Variants in CSGALNACT1 observed in about 807,000 individuals in gnomAD.
CSGALNACT1 encodes the protein beta4GalNAcT-1.
In CSGALNACT1, 52 loss-of-function variants were observed where a neutral mutation model predicts 51.0. The ratio of observed to expected loss-of-function variants is 1.02; its 90% CI spans 0.82 to 1.29. CSGALNACT1 has a LOEUF of 1.29. Ranked by LOEUF, CSGALNACT1 falls within the 50% of genes most tolerant of loss-of-function variation. CSGALNACT1 has a pLI of 0.00. For missense variants in CSGALNACT1, 935 were observed against 679.2 expected, an observed-to-expected ratio of 1.38 and a Z score of -4.19; for synonymous variants, 341 against 254.4, an observed-to-expected ratio of 1.34 and a Z score of -3.24.
At chr8:19,546,661 C>G (rs1468797608) in intron 3 of CSGALNACT1, among the ~76,000 whole-genome samples, 1 of 152,170 alleles carries the variant, frequency 6.6e-6, no homozygotes, top group Non-Finnish European at 1.5e-5. Context: ...TTCCCCCTAC[C>G]CATTCTTGGG....
intron 4 of CSGALNACT1, among the ~76,000 whole-genome samples, chr8:19,469,803 T>G (rs748034740): frequency 1.3e-5 from 2 of 152,178 alleles, no homozygotes; most frequent in Non-Finnish European, 2.9e-5. Context: ...TCATCGCACA[T>G]TATCTGAATG....
intron 3 of CSGALNACT1, among the ~76,000 whole-genome samples, chr8:19,524,041 C>T (rs1056158969): frequency 1.3e-5 from 2 of 152,154 alleles, no homozygotes. Flanking sequence ...CACCTGTAAT[C>T]CCAGTGCTGT....
intron 5 of CSGALNACT1, among the ~76,000 whole-genome samples, chr8:19,456,201 A>G (rs1436984475): frequency 6.6e-6 from 1 of 152,172 alleles, no homozygotes; most frequent in African/African-American, 2.4e-5. Context: ...TTCTGCTGAC[A>G]CTAAGGAAAT....
chr8:19,676,430 T>C (rs1323482023), intron 1 of CSGALNACT1, among the ~76,000 whole-genome samples: 1 of 152,054 alleles, frequency 6.6e-6, no homozygotes, highest in African/African-American at 2.4e-5. Flanking sequence ...ATATCTGAAA[T>C]CCAAAATTCA....
upstream of CSGALNACT1, among the ~76,000 whole-genome samples, chr8:19,686,344 C>A (rs1344153279): frequency 6.6e-6 from 1 of 152,206 alleles, no homozygotes; most frequent in Admixed American, 6.5e-5. Flanking sequence ...CTCACTCTCA[C>A]TTTATCTATA....
intron 1 of CSGALNACT1, among the ~76,000 whole-genome samples, chr8:19,663,801 A>G (rs961996946): frequency 1.1e-4 from 16 of 152,266 alleles, no homozygotes; most frequent in East Asian, 3.8e-4. Flanking sequence ...ATGAGAACAG[A>G]TAAGAGCCAG....
At chr8:19,634,216 G>T (rs1402148321) in intron 1 of CSGALNACT1, among the ~76,000 whole-genome samples, 1 of 152,180 alleles carries the variant, frequency 6.6e-6, no homozygotes, top group East Asian at 1.9e-4. Flanking sequence ...AAAAACTGTT[G>T]CTATGGACTG....
At chr8:19,621,824 A>T (rs943514646) in intron 1 of CSGALNACT1, among the ~76,000 whole-genome samples, 1 of 152,232 alleles carries the variant, frequency 6.6e-6, no homozygotes, top group African/African-American at 2.4e-5. Context: ...TCATTCACTC[A>T]TCAATGGCAA....
At chr8:19,480,350 T>A (rs1184796552) in intron 4 of CSGALNACT1, among the ~76,000 whole-genome samples, 1 of 152,208 alleles carries the variant, frequency 6.6e-6, no homozygotes, top group African/African-American at 2.4e-5. Flanking sequence ...CACTTATTGG[T>A]GAGAACACGC....
chr8:19,481,633 T>C (rs1586907955), intron 4 of CSGALNACT1, among the ~76,000 whole-genome samples: 1 of 152,144 alleles, frequency 6.6e-6, no homozygotes, highest in East Asian at 1.9e-4. Context: ...CACACATCCT[T>C]ATGGTCAAAA....
chr8:19,704,461 T>C (rs1311957058), intron 1 of CSGALNACT1, among the ~76,000 whole-genome samples: 1 of 152,238 alleles, frequency 6.6e-6, no homozygotes, highest in Non-Finnish European at 1.5e-5. Flanking sequence ...AGGGAATCCA[T>C]ATACATTGTT....
At chr8:19,517,126 A>G (rs2079698796) in intron 3 of CSGALNACT1, among the ~76,000 whole-genome samples, 1 of 152,160 alleles carries the variant, frequency 6.6e-6, no homozygotes, top group Non-Finnish European at 1.5e-5. Flanking sequence ...TTAAGCAACT[A>G]AGAAATGTTC....
chr8:19,599,106 C>G (rs949368706), intron 2 of CSGALNACT1, among the ~76,000 whole-genome samples: 9 of 151,312 alleles, frequency 5.9e-5, no homozygotes, highest in African/African-American at 1.7e-4. Flanking sequence ...GAGACAGGAA[C>G]AGGTGGAGAC....
intron 1 of CSGALNACT1, among the ~76,000 whole-genome samples, chr8:19,671,545 C>T (rs1285276696): frequency 2.6e-5 from 4 of 152,168 alleles, no homozygotes; most frequent in African/African-American, 9.7e-5. Context: ...TGCTACACCC[C>T]AAATGTTGTT....
chr8:19,591,519 A>G (rs571624930), intron 2 of CSGALNACT1, among the ~76,000 whole-genome samples: 1 of 152,358 alleles, frequency 6.6e-6, no homozygotes, highest in African/African-American at 2.4e-5. Context: ...CAACCGTGTA[A>G]CAAAGATTAG....
chr8:19,599,510 A>AAGAC (rs2049881231), intron 2 of CSGALNACT1, among the ~76,000 whole-genome samples: 8 of 150,634 alleles, frequency 5.3e-5, no homozygotes, highest in African/African-American at 2.0e-4. Context: ...GAAAGAAAGA[A>AAGAC]AGAAAGAAAG....
At chr8:19,593,576 C>G (rs1309819238) in intron 2 of CSGALNACT1, among the ~76,000 whole-genome samples, 1 of 152,132 alleles carries the variant, frequency 6.6e-6, no homozygotes, top group African/African-American at 2.4e-5. Context: ...AGCCCCAGCT[C>G]CCATTAATGT....
At chr8:19,433,995 C>G (rs1237117772) in intron 6 of CSGALNACT1, among the ~76,000 whole-genome samples, 3 of 152,158 alleles carry the variant, frequency 2.0e-5, no homozygotes, top group Non-Finnish European at 4.4e-5. Flanking sequence ...TACCAGAGAG[C>G]TGGAGTCAGG....
At chr8:19,439,984 C>T (rs1409705211) in intron 5 of CSGALNACT1, 53 bp from the exon 5 acceptor site, 32 of 1,409,906 alleles carry the variant, frequency 2.3e-5, no homozygotes, top group Admixed American at 3.4e-5. Flanking sequence ...CTGACAGGCA[C>T]AGCACAAACC....
Sources: allele counts gnomAD v4.1 joint callset (sites outside exome capture counted in the v4.1 genomes callset), GRCh38; gene constraint gnomAD v4.1.1; transcripts MANE v1.5; gene names NCBI Gene and HGNC (gene_info 2026-07-23, HGNC 2026-07-21).